MPDZ: variants seen among roughly 807,000 people sequenced by gnomAD.
The protein encoded by MPDZ is multiple PDZ domain crumbs cell polarity complex component, also known as multiple PDZ domain protein.
A neutral mutation model predicts 239.1 loss-of-function variants in MPDZ; 234 were observed. The ratio of observed to expected loss-of-function variants is 0.98; its 90% CI spans 0.88 to 1.09. The LOEUF (loss-of-function observed/expected upper bound fraction) is 1.09, where lower values mean the gene tolerates loss of function less well. MPDZ is among the 50% of genes least tolerant of loss of function. The probability of loss-of-function intolerance (pLI) is 0.00; values close to 1 mark genes in which losing one functional copy is unlikely to be tolerated. For missense variants in MPDZ, 3,175 were observed against 2,510.0 expected (o/e 1.26, Z -5.66); for synonymous variants, 1,048 against 881.3 (o/e 1.19, Z -3.35).
chr9:13,203,474 A>T (rs1326228312), intron 12 of MPDZ, among the ~76,000 whole-genome samples: 1 of 152,132 alleles, frequency 6.6e-6, no homozygotes, highest in Non-Finnish European at 1.5e-5. Flanking sequence ...CAACTGCCCC[A>T]AGACTGGATT....
At chr9:13,121,412 G>A (rs149793522) in intron 38 of MPDZ, among the ~76,000 whole-genome samples, 3 of 152,210 alleles carry the variant, frequency 2.0e-5, no homozygotes, top group South Asian at 2.1e-4. Flanking sequence ...TTAATTCGAC[G>A]TTCACCAGAC....
chr9:13,223,029 T>C (rs1959247900), intron 5 of MPDZ, among the ~76,000 whole-genome samples: 1 of 152,094 alleles, frequency 6.6e-6, no homozygotes, highest in Admixed American at 6.6e-5. Context: ...AATGTTTACA[T>C]AGGATTTGCA....
At chr9:13,167,840 G>T (rs1951271486) in intron 22 of MPDZ, among the ~76,000 whole-genome samples, 2 of 152,166 alleles carry the variant, frequency 1.3e-5, no homozygotes, top group South Asian at 4.1e-4. Context: ...TATCCTCCAT[G>T]ACCTACAAAC....
At chr9:13,277,390 AGTTT>A (rs1266720115) in intron 1 of MPDZ, among the ~76,000 whole-genome samples, 3 of 152,286 alleles carry the variant, frequency 2.0e-5, no homozygotes, top group East Asian at 1.9e-4. Flanking sequence ...AATCTTCATT[AGTTT>A]GTTTGTTTTG....
chr9:13,136,246 A>G lies in MPDZ; in HGVS notation c.4293-64T>C, dbSNP rs1946725497. The G allele has an allele frequency of 7.2e-6, 8 of 1,113,332 alleles. No homozygotes were observed. In the African/African-American group the frequency reaches 1.3e-4, roughly 18 times the overall value. The allele number at this position is 1,113,332 out of a possible 1,614,324, so 69.0% of individuals were successfully genotyped here. A position where few individuals can be genotyped will look rare whatever the true frequency, so the allele number is the denominator to read the frequency against. On this transcript the variant is annotated intron_variant, in intron 30 of 46. Transcript: ENST00000319217. ...GTATTATTTTCATTCTCTTACTTCA[A>G]GAGTCAGAAGGTTATTAGAGAAAAT...
At chr9:13,214,262 C>A (rs763050745) in intron 10 of MPDZ, among the ~76,000 whole-genome samples, 2 of 151,954 alleles carry the variant, frequency 1.3e-5, no homozygotes, top group Non-Finnish European at 2.9e-5. Context: ...AAGACTGAAA[C>A]ATACTACAAT....
At chr9:13,269,958 T>G (rs1314623382) in intron 1 of MPDZ, among the ~76,000 whole-genome samples, 1 of 152,228 alleles carries the variant, frequency 6.6e-6, no homozygotes, top group Non-Finnish European at 1.5e-5. Context: ...TCCTAATTAC[T>G]AATTCACAGA....
chr9:13,149,860 T>C (rs1170588438), intron 25 of MPDZ, among the ~76,000 whole-genome samples: 1 of 151,916 alleles, frequency 6.6e-6, no homozygotes, highest in East Asian at 1.9e-4. Flanking sequence ...AGAGCCTTCA[T>C]TGATGAATGA....
chr9:13,175,637 T>C, intron 21 of MPDZ, 115 bp downstream of exon 21: 1 of 1,112,242 alleles, frequency 9.0e-7, no homozygotes, highest in South Asian at 1.5e-5. Flanking sequence ...TACAGGAAAA[T>C]TTCTACCATC....
At chr9:13,123,079 A>C (rs1944599294) in intron 36 of MPDZ, 74 bp downstream of exon 36, 12 of 1,439,388 alleles carry the variant, frequency 8.3e-6, no homozygotes, top group Admixed American at 2.4e-5. Flanking sequence ...GAACTGATAG[A>C]AATCTCCCCA....
chr9:13,261,321 A>G (rs887084290), intron 1 of MPDZ, among the ~76,000 whole-genome samples: 11 of 152,186 alleles, frequency 7.2e-5, no homozygotes, highest in Non-Finnish European at 1.6e-4. Context: ...CAGATGCACA[A>G]TCACTGATCT....
rs1223945704 is a variant in MPDZ, at chr9:13,113,330, TG to T, written c.5558-277del. ...CACTTTGAATGAGTCAAGGGCAGAA[TG>T]TGTTTTGCATAGAAAGGCACATGTG... On this transcript the variant is annotated intron_variant, in intron 41 of 46. Coordinates refer to ENST00000319217, the MANE Select transcript of MPDZ (RefSeq NM_001378778.1). 6.6e-5 allele frequency among the ~76,000 whole-genome samples: 10 copies of T among 152,178 alleles called. No individual in the cohort carries two copies. In the East Asian group the frequency reaches 1.9e-3, roughly 29 times the overall value.
chr9:13,139,179 C>G (rs150858993), intron 28 of MPDZ, among the ~76,000 whole-genome samples: 1 of 152,300 alleles, frequency 6.6e-6, no homozygotes, highest in African/African-American at 2.4e-5. Context: ...TAAACTATTT[C>G]CTGACTCCTT....
At position 13,144,414 on chromosome 9, in the gene MPDZ, T is replaced by TA. The variant is rs767815432; in HGVS notation, c.3742-851dup. Among the ~76,000 whole-genome samples the TA allele has an allele frequency of 1.3e-3, 188 of 149,594 alleles. 2 individuals are homozygous for TA. The East Asian group carries it at 0.031, about 24-fold the overall frequency. ...GATAGAATTTAGCATTTTCATAGTT[T>TA]AAAAAAAAAAGTAATTTCCTTAGCA... On this transcript the variant is annotated intron_variant, in intron 26 of 46. Coordinates refer to ENST00000319217, the MANE Select transcript of MPDZ (RefSeq NM_001378778.1).
intron 3 of MPDZ, among the ~76,000 whole-genome samples, chr9:13,225,618 A>G (rs994357142): frequency 2.0e-5 from 3 of 152,024 alleles, no homozygotes; most frequent in Non-Finnish European, 4.4e-5. Flanking sequence ...ATATTTAGAA[A>G]CACAGACAAT....
chr9:13,270,271 C>G (rs904088924), intron 1 of MPDZ, among the ~76,000 whole-genome samples: 4 of 152,146 alleles, frequency 2.6e-5, no homozygotes, highest in African/African-American at 9.7e-5. Context: ...TTCGTCACTT[C>G]AATTAAGTGA....
In MPDZ at chr9:13,135,958, C is replaced by T. The variant is rs1356298682; in HGVS notation, c.4383+134G>A. The stretch of plus-strand genomic sequence containing the variant: ...GAGTGTCTTCTTATACTAGGATGTA[C>T]ACTCCTTGAAGGCCAAGGCTATAAC... On this transcript the variant is annotated intron_variant, in intron 31 of 46. Coordinates refer to ENST00000319217, the MANE Select transcript of MPDZ (RefSeq NM_001378778.1). 6.7e-6 allele frequency: 4 copies of T among 600,114 alleles called. No homozygotes were observed. In the South Asian group the frequency reaches 9.5e-5, roughly 14 times the overall value. The allele number at this position is 600,114 out of a possible 1,614,324, so 37.2% of individuals were successfully genotyped here. A position where few individuals can be genotyped will look rare whatever the true frequency, so the allele number is the denominator to read the frequency against.
At chr9:13,259,574 C>T (rs972417287) in intron 1 of MPDZ, among the ~76,000 whole-genome samples, 4 of 152,142 alleles carry the variant, frequency 2.6e-5, no homozygotes, top group Non-Finnish European at 4.4e-5. Flanking sequence ...CCAAGCTTAA[C>T]TGAGAAGTCA....
Position 13,132,429 on chromosome 9 carries a change from T to G in MPDZ, c.4464+1395A>C, listed in dbSNP as rs556392987. ...CCCAGCCAAAGAACTTGAATGTATC[T>G]GTTTGGAAATGAACGTCCTTGGGAG... On this transcript the variant is annotated intron_variant, in intron 32 of 46. Transcript: ENST00000319217. Among the ~76,000 whole-genome samples the G allele has an allele frequency of 8.5e-5, 13 of 152,262 alleles. No homozygotes were observed. The South Asian group carries it at 2.7e-3, about 32-fold the overall frequency.
Sources: allele counts gnomAD v4.1 joint callset (sites outside exome capture counted in the v4.1 genomes callset), GRCh38; gene constraint gnomAD v4.1.1; transcripts MANE v1.5; gene names NCBI Gene and HGNC (gene_info 2026-07-23, HGNC 2026-07-21).